Variants in ELMO1 observed in about 807,000 individuals in gnomAD.
ELMO1 encodes the protein engulfment and cell motility protein 1.
A neutral mutation model predicts 98.9 loss-of-function variants in ELMO1; 26 were observed. The observed-to-expected ratio is 0.26, with a 90% CI of 0.19 to 0.36. ELMO1 has a LOEUF of 0.36. Among genes scored for constraint, ELMO1 ranks in the 10% least tolerant of loss-of-function variants. The pLI, the probability that ELMO1 is intolerant of heterozygous loss-of-function variation, is 1.00. For synonymous variants in ELMO1, 346 were observed against 346.0 expected (o/e 1.00, Z 0.00); for missense variants, 627 against 935.2 (o/e 0.67, Z 4.30).
At chr7:37,057,294 G>C (rs1796437134) in intron 15 of ELMO1, among the ~76,000 whole-genome samples, 1 of 151,752 alleles carries the variant, frequency 6.6e-6, no homozygotes, top group Non-Finnish European at 1.5e-5. Flanking sequence ...AAAAAACTAA[G>C]AACCATTTAG....
chr7:37,305,431 A>G (rs1217110416), intron 4 of ELMO1, among the ~76,000 whole-genome samples: 1 of 138,002 alleles, frequency 7.2e-6, no homozygotes, highest in African/African-American at 2.7e-5. Context: ...GTCAATATCC[A>G]GCACAGTACA....
At chr7:37,064,316 T>C (rs780966985) in intron 15 of ELMO1, among the ~76,000 whole-genome samples, 6 of 152,102 alleles carry the variant, frequency 3.9e-5, no homozygotes, top group African/African-American at 7.2e-5. Flanking sequence ...AATTGAACCA[T>C]TGGTATGGAG....
chr7:37,114,650 G>A (rs552444524), intron 14 of ELMO1, among the ~76,000 whole-genome samples: 1 of 152,108 alleles, frequency 6.6e-6, no homozygotes, highest in African/African-American at 2.4e-5. Context: ...AGGAATTCAA[G>A]CAATGGAGAA....
At chr7:37,347,724 A>C (rs929761674) in intron 1 of ELMO1, among the ~76,000 whole-genome samples, 2 of 152,032 alleles carry the variant, frequency 1.3e-5, no homozygotes, top group African/African-American at 4.8e-5. Context: ...AATCTCCCGT[A>C]TGTCTTTATT....
intron 16 of ELMO1, among the ~76,000 whole-genome samples, chr7:36,896,814 T>C (rs1265694155): frequency 6.6e-6 from 1 of 152,228 alleles, no homozygotes; most frequent in Non-Finnish European, 1.5e-5. Flanking sequence ...TGCTGTATCA[T>C]ATGACGGGCA....
At chr7:37,402,198 CA>C (rs1803566335) in intron 1 of ELMO1, among the ~76,000 whole-genome samples, 1 of 152,074 alleles carries the variant, frequency 6.6e-6, no homozygotes, top group Non-Finnish European at 1.5e-5. Context: ...CCTACAGCAA[CA>C]AAAAGTTACA....
chr7:37,224,842 A>T, intron 9 of ELMO1, 37 bp downstream of exon 9: 1 of 1,605,240 alleles, frequency 6.2e-7, no homozygotes, highest in South Asian at 1.1e-5. Context: ...ATCTTCCTGA[A>T]GCATTTCTCC....
At chr7:36,879,267 C>T (rs1804227482) in intron 18 of ELMO1, among the ~76,000 whole-genome samples, 1 of 152,192 alleles carries the variant, frequency 6.6e-6, no homozygotes, top group South Asian at 2.1e-4. Flanking sequence ...ATAAAAGTTG[C>T]ACAGTTGGCG....
chr7:37,295,387 T>C (rs1702605517), intron 4 of ELMO1, among the ~76,000 whole-genome samples: 1 of 152,226 alleles, frequency 6.6e-6, no homozygotes, highest in Non-Finnish European at 1.5e-5. Context: ...GTTTGAAATA[T>C]TGTATGATTT....
intron 13 of ELMO1, among the ~76,000 whole-genome samples, chr7:37,167,771 A>G (rs1789824198): frequency 2.6e-5 from 4 of 151,176 alleles, no homozygotes; most frequent in African/African-American, 9.7e-5. Flanking sequence ...TGCCCTTAAC[A>G]TTTTTTCCTT....
intron 16 of ELMO1, among the ~76,000 whole-genome samples, chr7:36,897,480 G>A (rs1216545547): frequency 6.6e-6 from 1 of 151,600 alleles, no homozygotes; most frequent in African/African-American, 2.4e-5. Flanking sequence ...TTCCTGTCAC[G>A]TGCAACCAAA....
chr7:37,302,532 A>G (rs1474808600), intron 4 of ELMO1, among the ~76,000 whole-genome samples: 1 of 152,052 alleles, frequency 6.6e-6, no homozygotes, highest in Admixed American at 6.6e-5. Context: ...AGGGCACTCA[A>G]GTTTACCATC....
chr7:37,089,021 T>C (rs1453761817), intron 15 of ELMO1, among the ~76,000 whole-genome samples: 1 of 152,210 alleles, frequency 6.6e-6, no homozygotes, highest in African/African-American at 2.4e-5. Flanking sequence ...CCTTAAGAGA[T>C]TTAACTGTTA....
At chr7:37,275,276 T>A (rs181313718) in intron 4 of ELMO1, among the ~76,000 whole-genome samples, 2 of 152,338 alleles carry the variant, frequency 1.3e-5, no homozygotes, top group South Asian at 4.1e-4. Flanking sequence ...GGTGATGTAC[T>A]GGGTGCTGGG....
chr7:37,024,156 T>C (rs1794438244), intron 15 of ELMO1, among the ~76,000 whole-genome samples: 1 of 152,262 alleles, frequency 6.6e-6, no homozygotes, highest in South Asian at 2.1e-4. Flanking sequence ...TCCATCCATC[T>C]AACTAGCAAG....
intron 16 of ELMO1, among the ~76,000 whole-genome samples, chr7:36,915,079 T>A (rs1202541557): frequency 6.6e-6 from 1 of 152,104 alleles, no homozygotes; most frequent in Non-Finnish European, 1.5e-5. Flanking sequence ...CACCACCACA[T>A]CCTGCTAATT....
intron 4 of ELMO1, among the ~76,000 whole-genome samples, chr7:37,298,023 A>G (rs1048317583): frequency 1.3e-5 from 2 of 152,112 alleles, no homozygotes; most frequent in East Asian, 1.9e-4. Context: ...CTTTTTTCTA[A>G]TATGTCTCAA....
chr7:37,090,471 G>A (rs1784024092), intron 15 of ELMO1, among the ~76,000 whole-genome samples: 1 of 152,182 alleles, frequency 6.6e-6, no homozygotes, highest in Admixed American at 6.5e-5. Flanking sequence ...GCAAATACTT[G>A]TGATCTGACA....
At chr7:37,106,145 T>C (rs1784932815) in intron 14 of ELMO1, among the ~76,000 whole-genome samples, 1 of 152,338 alleles carries the variant, frequency 6.6e-6, no homozygotes, top group Admixed American at 6.5e-5. Context: ...GACTGCATTT[T>C]ACAGATGAGG....
Sources: gnomAD v4.1 joint callset for allele counts (sites outside exome capture counted in the v4.1 genomes callset) on GRCh38, gnomAD v4.1.1 for gene constraint, MANE v1.5 for transcripts, NCBI Gene and HGNC (gene_info 2026-07-23, HGNC 2026-07-21) for gene names.